SNX8: variants seen among roughly 807,000 people sequenced by gnomAD.
The protein encoded by SNX8 is sorting nexin 8, also known as sorting nexin-8.
A neutral mutation model predicts 51.6 loss-of-function variants in SNX8; 25 were observed. The observed-to-expected ratio is 0.48, with a 90% CI of 0.35 to 0.68. The LOEUF is 0.68. Among genes scored for constraint, SNX8 ranks in the 30% least tolerant of loss-of-function variants. The pLI is 0.00. For missense variants in SNX8, 695 were observed against 624.0 expected (o/e 1.11, Z -1.21); for synonymous variants, 324 against 277.0 (o/e 1.17, Z -1.68).
intron 7 of SNX8, among the ~76,000 whole-genome samples, chr7:2,260,500 C>T (rs73043235): frequency 0.025 from 3,757 of 152,240 alleles, 72 homozygotes; most frequent in Middle Eastern, 0.051. Flanking sequence ...TTAATGCATG[C>T]GCCTTTAACC....
At chr7:2,265,363 AG>A (rs1407814535) in intron 5 of SNX8, among the ~76,000 whole-genome samples, 13 of 152,188 alleles carry the variant, frequency 8.5e-5, no homozygotes, top group African/African-American at 3.1e-4. Flanking sequence ...ACTAATCTTT[AG>A]CTGGATACAG....
chr7:2,343,118 G>T (rs1307781584), intron 1 of SNX8, among the ~76,000 whole-genome samples: 1 of 151,548 alleles, frequency 6.6e-6, no homozygotes, highest in Non-Finnish European at 1.5e-5. Context: ...TTTAGTAGAG[G>T]TGGGGGTTCA....
At chr7:2,327,991 A>T (rs2115232095) in intron 1 of SNX8, among the ~76,000 whole-genome samples, 1 of 152,086 alleles carries the variant, frequency 6.6e-6, no homozygotes, top group Non-Finnish European at 1.5e-5. Context: ...CCAGCTTCCC[A>T]CATAGCTGGG....
intron 1 of SNX8, among the ~76,000 whole-genome samples, chr7:2,350,575 A>T (rs1562466695): frequency 1.3e-5 from 2 of 152,256 alleles, no homozygotes; most frequent in South Asian, 4.1e-4. Flanking sequence ...AGGCCAACGC[A>T]GAAGGTTTGC....
At chr7:2,328,824 G>A (rs539067691) in intron 1 of SNX8, among the ~76,000 whole-genome samples, 4 of 151,692 alleles carry the variant, frequency 2.6e-5, no homozygotes, top group South Asian at 2.1e-4. Context: ...GGTGGCTCAC[G>A]CCTGTAATCC....
chr7:2,349,061 T>A (rs1167577359), intron 1 of SNX8, among the ~76,000 whole-genome samples: 1 of 149,068 alleles, frequency 6.7e-6, no homozygotes, highest in East Asian at 2.0e-4. Context: ...TAAAAAAGCC[T>A]GGTGAGGTGG....
intron 1 of SNX8, among the ~76,000 whole-genome samples, chr7:2,326,530 G>A (rs1232559590): frequency 6.6e-6 from 1 of 151,926 alleles, no homozygotes; most frequent in Admixed American, 6.6e-5. Context: ...GCCGGGCGTG[G>A]TGGCGGGAGT....
intron 1 of SNX8, chr7:2,310,040 A>C: frequency 2.7e-6 from 1 of 370,330 alleles, no homozygotes; most frequent in South Asian, 2.0e-5. Context: ...GCCGCAAGTG[A>C]AGCGTGACTC....
intron 1 of SNX8, among the ~76,000 whole-genome samples, chr7:2,311,450 T>G (rs1796656100): frequency 6.6e-6 from 1 of 152,196 alleles, no homozygotes; most frequent in South Asian, 2.1e-4. Context: ...CTCTAGCGCC[T>G]GGGCTCGGGC....
intron 1 of SNX8, among the ~76,000 whole-genome samples, chr7:2,343,492 G>A (rs1044443692): frequency 1.3e-5 from 2 of 151,660 alleles, no homozygotes. Flanking sequence ...TGGCTAACAC[G>A]GTGAAACCCC....
chr7:2,263,438 C>T lies in SNX8; in HGVS notation c.783-76G>A, dbSNP rs530454891. 1.2e-4 allele frequency: 167 copies of T among 1,422,478 alleles called. 2 individuals carry two copies. In the South Asian group the frequency reaches 2.0e-3, roughly 17 times the overall value. 88.1% of individuals were successfully genotyped at this position (1,422,478 alleles called of 1,614,324 possible). Reference sequence around the variant, plus strand: ...CTGGCAGTCGAGTCTGGCATCCCCCCCGACAGATGTCCTCCACGGCAACCT... The same window carrying T: ...CTGGCAGTCGAGTCTGGCATCCCCCTCGACAGATGTCCTCCACGGCAACCT... On this transcript the variant is annotated intron_variant, in intron 6 of 10. Coordinates refer to ENST00000222990, the MANE Select transcript of SNX8 (RefSeq NM_013321.4).
chr7:2,319,349 AT>A (rs1796799965), upstream of SNX8, among the ~76,000 whole-genome samples: 1 of 151,578 alleles, frequency 6.6e-6, no homozygotes, highest in South Asian at 2.1e-4. Context: ...CTCAAAAAAA[AT>A]AAAATAAAAT....
At chr7:2,320,887 G>T (rs1236583827) in intron 1 of SNX8, among the ~76,000 whole-genome samples, 2 of 152,080 alleles carry the variant, frequency 1.3e-5, no homozygotes, top group African/African-American at 4.8e-5. Flanking sequence ...GGGCCTGGTG[G>T]TGGGTGCCTG....
At chr7:2,258,587 G>A (rs763267079) in intron 7 of SNX8, among the ~76,000 whole-genome samples, 5 of 152,210 alleles carry the variant, frequency 3.3e-5, no homozygotes, top group Non-Finnish European at 5.9e-5. Context: ...CAAGGGTGTT[G>A]TCTCCGCATC....
chr7:2,302,336 G>A (rs914613487), intron 1 of SNX8, among the ~76,000 whole-genome samples: 1 of 152,230 alleles, frequency 6.6e-6, no homozygotes, highest in Admixed American at 6.5e-5. Flanking sequence ...GCTCCTAACC[G>A]TGAGTGATCC....
In SNX8 at chr7:2,256,865, C is replaced by A. The variant is rs115870022; in HGVS notation, c.1284+9G>T. The A allele has an allele frequency of 4.7e-3, 7,579 of 1,607,446 alleles. 319 individuals are homozygous for A. The African/African-American group carries it at 0.089, about 19-fold the overall frequency. Reference sequence around the variant, plus strand: ...GGCCGAGACGGCGGCCGGAGCAGGGCGGACTCACCTCCTTGTGCCCTTGGA... The same window carrying A: ...GGCCGAGACGGCGGCCGGAGCAGGGAGGACTCACCTCCTTGTGCCCTTGGA... On this transcript the variant is annotated intron_variant, in intron 10 of 10. Coordinates refer to ENST00000222990, the MANE Select transcript of SNX8 (RefSeq NM_013321.4).
At chr7:2,263,421 CGA>C (rs1434664875) in intron 6 of SNX8, 59 bp from the exon 7 acceptor site, 1 of 1,508,704 alleles carries the variant, frequency 6.6e-7, no homozygotes, top group Non-Finnish European at 9.0e-7. Context: ...ACCTGGCAGT[CGA>C]GTCTGGCATC....
At chr7:2,331,484 T>A (rs1778735631) in intron 1 of SNX8, among the ~76,000 whole-genome samples, 2 of 151,706 alleles carry the variant, frequency 1.3e-5, no homozygotes, top group Admixed American at 6.6e-5. Flanking sequence ...AGAGGGCAGA[T>A]CACGAGGTCA....
At chr7:2,261,461 T>C (rs1399392620) in intron 7 of SNX8, among the ~76,000 whole-genome samples, 1 of 152,150 alleles carries the variant, frequency 6.6e-6, no homozygotes, top group Middle Eastern at 3.2e-3. Context: ...GAAATAGCTG[T>C]TTTAATAATC....
Sources: gnomAD v4.1 joint callset for allele counts (sites outside exome capture counted in the v4.1 genomes callset) on GRCh38, gnomAD v4.1.1 for gene constraint, MANE v1.5 for transcripts, NCBI Gene and HGNC (gene_info 2026-07-23, HGNC 2026-07-21) for gene names.